Variants in STAG2 observed in about 807,000 individuals in gnomAD.
STAG2 encodes cohesin subunit SA-2.
In STAG2, 14 loss-of-function variants were observed where a neutral mutation model predicts 108.1. That is an observed-to-expected ratio of 0.13 (90% CI 0.09 to 0.20). The LOEUF (loss-of-function observed/expected upper bound fraction) is 0.20. Among genes scored for constraint, STAG2 ranks in the 10% least tolerant of loss-of-function variants. The pLI is 1.00. For synonymous variants in STAG2, 307 were observed against 302.7 expected (o/e 1.01, Z -0.15); for missense variants, 440 against 940.9 (o/e 0.47, Z 6.96).
intron 25 of STAG2, among the ~76,000 whole-genome samples, 155 bp from the exon 26 acceptor site, chrX:124,076,177 T>C (rs2058797770): frequency 8.9e-6 from 1 of 112,182 alleles, no homozygotes; most frequent in African/African-American, 3.2e-5. Context: ...AAAAATTTAG[T>C]CTATTGGAAT....
chrX:123,987,026 T>C (rs1255377021), intron 1 of STAG2, among the ~76,000 whole-genome samples: 1 of 109,343 alleles, frequency 9.1e-6, no homozygotes, highest in African/African-American at 3.4e-5. Context: ...GGAGTCTCGC[T>C]CTGTCACCCA....
chrX:124,079,276 C>G (rs1042710954), intron 27 of STAG2, among the ~76,000 whole-genome samples: 1 of 108,743 alleles, frequency 9.2e-6, no homozygotes, highest in African/African-American at 3.3e-5. Context: ...GTAGCTGGGA[C>G]TACAGGCACC....
chrX:124,008,970 CTG>C lies in STAG2; in HGVS notation c.-162-12393_-162-12392del, dbSNP rs1349723761. ...ACAAATAAACCATTGTTACAACAAA[CTG>C]TGTCATAACAGCAAAGTTGCAATAA... is the stretch of plus-strand genomic sequence containing the variant. On this transcript the variant is annotated intron_variant, in intron 1 of 34. Coordinates refer to ENST00000371145, the MANE Select transcript of STAG2 (RefSeq NM_001042750.2). Among the ~76,000 whole-genome samples, 63 of 111,224 alleles carry C rather than the reference CTG, an allele frequency of 5.7e-4. No individual in the cohort carries two copies. The Middle Eastern group carries it at 0.014, about 25-fold the overall frequency.
intron 28 of STAG2, among the ~76,000 whole-genome samples, chrX:124,082,541 C>T (rs1458089786): frequency 2.7e-5 from 3 of 110,652 alleles, no homozygotes; most frequent in African/African-American, 9.9e-5. Flanking sequence ...GCTTCTACTC[C>T]CTCAACTTAA....
chrX:124,096,563 C>T (rs1261383516), intron 34 of STAG2, among the ~76,000 whole-genome samples: 1 of 111,108 alleles, frequency 9.0e-6, no homozygotes, highest in Non-Finnish European at 1.9e-5. Context: ...TATTACATGC[C>T]CTGGTCCTTC....
chrX:124,070,708 GT>G (rs1378907107), intron 24 of STAG2, among the ~76,000 whole-genome samples: 2 of 111,492 alleles, frequency 1.8e-5, no homozygotes, highest in African/African-American at 6.5e-5. Flanking sequence ...TCTCTTTAAT[GT>G]TTTTTCTTCT....
intron 1 of STAG2, among the ~76,000 whole-genome samples, chrX:124,012,328 G>A (rs1348153647): frequency 9.0e-6 from 1 of 111,562 alleles, no homozygotes; most frequent in Non-Finnish European, 1.9e-5. Context: ...TCTTTGTCTA[G>A]GAATGTTTAA....
intron 9 of STAG2, among the ~76,000 whole-genome samples, chrX:124,047,999 T>C (rs910143447): frequency 8.9e-6 from 1 of 112,341 alleles, no homozygotes; most frequent in East Asian, 2.8e-4. Context: ...GAAATAACAG[T>C]AAATAAAATC....
At chrX:124,015,221 C>T (rs1429076673) in intron 1 of STAG2, among the ~76,000 whole-genome samples, 6 of 106,982 alleles carry the variant, frequency 5.6e-5, no homozygotes, top group Non-Finnish European at 1.9e-5. Flanking sequence ...CTCTTGACCT[C>T]GTGATCCTCC....
chrX:123,991,004 G>GC (rs1442366881), intron 1 of STAG2, among the ~76,000 whole-genome samples: 1 of 112,042 alleles, frequency 8.9e-6, no homozygotes, highest in African/African-American at 3.2e-5. Flanking sequence ...ACTTTCTGGT[G>GC]CCCTGAGGCT....
intron 1 of STAG2, among the ~76,000 whole-genome samples, chrX:123,991,035 G>A (rs2055435024): frequency 8.9e-6 from 1 of 112,207 alleles, no homozygotes; most frequent in Admixed American, 9.5e-5. Flanking sequence ...ATTCATGCCA[G>A]TGTGCTTTCA....
chrX:123,986,148 A>G (rs898953680), intron 1 of STAG2, among the ~76,000 whole-genome samples: 21 of 106,792 alleles, frequency 2.0e-4, no homozygotes, highest in Non-Finnish European at 3.6e-4. Flanking sequence ...ATATATGTAT[A>G]TATGATATAT....
At chrX:124,031,368 AT>A (rs112975179) in intron 5 of STAG2, among the ~76,000 whole-genome samples, 4 of 103,406 alleles carry the variant, frequency 3.9e-5, no homozygotes, top group Non-Finnish European at 4.0e-5. Context: ...ATTTTATTTT[AT>A]TTTTTTTTGA....
chrX:124,081,063 G>A (rs1466449753), intron 27 of STAG2, among the ~76,000 whole-genome samples: 2 of 101,282 alleles, frequency 2.0e-5, no homozygotes, highest in African/African-American at 7.0e-5. Context: ...AAATAACAGA[G>A]CATGGTTGCC....
chrX:123,969,859 C>G (rs935851059), intron 1 of STAG2, among the ~76,000 whole-genome samples: 8 of 107,702 alleles, frequency 7.4e-5, no homozygotes, highest in Non-Finnish European at 1.3e-4. Context: ...GTTGGCCAGG[C>G]TGGTCTCGAA....
At chrX:124,014,990 T>C (rs1368733315) in intron 1 of STAG2, among the ~76,000 whole-genome samples, 7 of 80,551 alleles carry the variant, frequency 8.7e-5, no homozygotes, top group Non-Finnish European at 1.7e-4. Flanking sequence ...TTTTTTTTTT[T>C]TTTTTTTTTT....
Position 124,032,904 on chromosome X carries a change from T to C in STAG2, c.288+1779T>C, listed in dbSNP as rs2057391482. 2.7e-5 allele frequency among the ~76,000 whole-genome samples: 3 copies of C among 112,491 alleles called. No individual in the cohort carries two copies. In the Admixed American group the frequency reaches 2.8e-4, roughly 11 times the overall value. On this transcript the variant is annotated intron_variant, in intron 5 of 34. Transcript: ENST00000371145. ...TAAAAACTGACACAAATACCTTGTT[T>C]AGAAATATAGAATTAGCTTAATATG...
intron 5 of STAG2, among the ~76,000 whole-genome samples, chrX:124,036,285 A>G (rs1445825209): frequency 8.9e-6 from 1 of 112,010 alleles, no homozygotes; most frequent in East Asian, 2.8e-4. Context: ...ACTTAGAAAC[A>G]TTTCCCTCTC....
chrX:124,009,460 T>C (rs1289844901), intron 1 of STAG2, among the ~76,000 whole-genome samples: 1 of 109,835 alleles, frequency 9.1e-6, no homozygotes, highest in Non-Finnish European at 1.9e-5. Flanking sequence ...GATAGATAGA[T>C]AGATAGATAG....
Sources: gnomAD v4.1 joint callset for allele counts (sites outside exome capture counted in the v4.1 genomes callset) on GRCh38, gnomAD v4.1.1 for gene constraint, MANE v1.5 for transcripts, NCBI Gene and HGNC (gene_info 2026-07-23, HGNC 2026-07-21) for gene names.